The following RBM26 variants were observed in gnomAD, a reference collection of about 807,000 sequenced individuals.
The protein encoded by RBM26 is RNA binding motif protein 26.
Under a neutral mutation model 123.6 loss-of-function variants are expected in RBM26, and 30 were observed. The observed-to-expected ratio is 0.24, with a 90% CI of 0.18 to 0.33. The LOEUF (loss-of-function observed/expected upper bound fraction) is 0.33, where lower values mean the gene tolerates loss of function less well. RBM26 is among the 10% of genes least tolerant of loss of function. The probability of loss-of-function intolerance (pLI) is 1.00; values close to 1 mark genes in which losing one functional copy is unlikely to be tolerated. For missense variants in RBM26, 947 were observed against 1,203.6 expected (o/e 0.79, Z 3.15); for synonymous variants, 400 against 404.4 (o/e 0.99, Z 0.13).
chr13:79,381,334 A>G (rs758989665), intron 1 of RBM26, among the ~76,000 whole-genome samples: 8 of 151,982 alleles, frequency 5.3e-5, no homozygotes, highest in Non-Finnish European at 1.0e-4. Flanking sequence ...TTAAACACCT[A>G]GAGTTACAGT....
At chr13:79,337,011 T>G in intron 19 of RBM26, 91 bp downstream of exon 19, 1 of 1,206,904 alleles carries the variant, frequency 8.3e-7, no homozygotes. Flanking sequence ...TTGAAATTAC[T>G]TATGTCCTTT....
At chr13:79,336,899 T>G (rs1594059731) in intron 19 of RBM26, among the ~76,000 whole-genome samples, 1 of 152,228 alleles carries the variant, frequency 6.6e-6, no homozygotes. Flanking sequence ...CTACTAAGTG[T>G]AAGAATAGTA....
chr13:79,362,844 T>C lies in RBM26; in HGVS notation c.1417+2734A>G, dbSNP rs574308868. Among the ~76,000 whole-genome samples the C allele has an allele frequency of 5.8e-4, 88 of 152,318 alleles. 1 individual carries two copies. Among genetic ancestry groups the C allele is most frequent in the African/African-American group, 2.0e-3 (83 of 41,582 alleles). ...TAATTCGGAATCCCTTTCATTGATA[T>C]ATATTTAAAAGAAGGGTATTAAAAA... On this transcript the variant is annotated intron_variant, in intron 9 of 21. Coordinates refer to ENST00000438737, the MANE Select transcript of RBM26 (RefSeq NM_001366735.2).
rs571443100 is a variant in RBM26, at chr13:79,405,974, G to A, written c.-200C>T. 58 of 323,680 alleles carry A rather than the reference G, an allele frequency of 1.8e-4. 1 individual carries two copies. The South Asian group carries it at 3.5e-3, about 20-fold the overall frequency. 20.1% of individuals were successfully genotyped at this position (323,680 alleles called of 1,614,324 possible). ...AGGCCACAAGTGCACGGGGTGCCAG[G>A]AGCTCCCCGTCCCCGGCCCCCAGCC... On this transcript the variant is annotated 5_prime_UTR_variant, in exon 1 of 22. Coordinates refer to ENST00000438737, the MANE Select transcript of RBM26 (RefSeq NM_001366735.2).
exon 5 of RBM26, chr13:79,311,951 A>C (rs1014492362): frequency 2.6e-5 from 4 of 152,106 alleles, no homozygotes; most frequent in Non-Finnish European, 5.9e-5. Context: ...TAAACATTTA[A>C]CACTATAAAC....
At chr13:79,380,204 G>C (rs563288688) in intron 1 of RBM26, among the ~76,000 whole-genome samples, 38 of 152,226 alleles carry the variant, frequency 2.5e-4, no homozygotes, top group African/African-American at 9.1e-4. Flanking sequence ...TCCATTTAGA[G>C]AGAACTGGAA....
chr13:79,333,600 G>C (rs966549911), intron 20 of RBM26, among the ~76,000 whole-genome samples: 8 of 152,148 alleles, frequency 5.3e-5, no homozygotes, highest in Non-Finnish European at 8.8e-5. Context: ...CAATGGCAAG[G>C]ACAAAACAGT....
In RBM26 at chr13:79,320,312, T is replaced by G; in HGVS notation, c.*309A>C. The G allele has an allele frequency of 9.9e-7, 1 of 1,007,968 alleles. No homozygotes were observed. The highest frequency in any genetic ancestry group is 1.2e-6 in the Non-Finnish European group (1 of 841,986). The allele number at this position is 1,007,968 out of a possible 1,614,324, so 62.4% of individuals were successfully genotyped here. ...TTATAACAAGTATTGGTCATAAGTT[T>G]TCAGACCTATTCATTAAATTACAAA... On this transcript the variant is annotated 3_prime_UTR_variant, in exon 22 of 22. Coordinates refer to ENST00000438737, the MANE Select transcript of RBM26 (RefSeq NM_001366735.2).
chr13:79,372,753 TTATTA>T (rs1375894704), intron 3 of RBM26, among the ~76,000 whole-genome samples: 1 of 117,128 alleles, frequency 8.5e-6, no homozygotes, highest in African/African-American at 3.7e-5. Flanking sequence ...ATATTGTAAT[TTATTA>T]TATATTTTAT....
At chr13:79,371,575 A>C (rs532828754) in intron 4 of RBM26, among the ~76,000 whole-genome samples, 2 of 152,044 alleles carry the variant, frequency 1.3e-5, no homozygotes, top group Non-Finnish European at 2.9e-5. Context: ...AAAAAAAAAC[A>C]CCCACACATT....
chr13:79,326,114 T>C (rs1441778054), intron 20 of RBM26, among the ~76,000 whole-genome samples: 3 of 152,184 alleles, frequency 2.0e-5, no homozygotes, highest in African/African-American at 7.2e-5. Context: ...AACAATGAAA[T>C]TGTCTAACAA....
In RBM26 at chr13:79,331,027, C is replaced by A. The variant is rs145414671; in HGVS notation, c.2820+3317G>T. On this transcript the variant is annotated intron_variant, in intron 20 of 21. Coordinates refer to ENST00000438737, the MANE Select transcript of RBM26 (RefSeq NM_001366735.2). ...TGATTCTCTTTCCCCCTATTTTTTG[C>A]TAAGATAGGGTCTGGCTCTGTCGCC... Among the ~76,000 whole-genome samples the A allele has an allele frequency of 3.0e-3, 441 of 148,572 alleles. 6 individuals are homozygous for A. Among genetic ancestry groups the A allele is most frequent in the African/African-American group, 0.01 (421 of 40,742 alleles).
At chr13:79,335,117 A>T (rs191108512) in intron 19 of RBM26, among the ~76,000 whole-genome samples, 1 of 152,144 alleles carries the variant, frequency 6.6e-6, no homozygotes, top group Admixed American at 6.5e-5. Flanking sequence ...TCCTTTATAT[A>T]TCATTATCAA....
At chr13:79,368,368 T>C (rs1279264757) in intron 6 of RBM26, among the ~76,000 whole-genome samples, 2 of 152,176 alleles carry the variant, frequency 1.3e-5, no homozygotes, top group Non-Finnish European at 2.9e-5. Context: ...AAAGGTGACA[T>C]TTACATTTCT....
At chr13:79,401,706 G>A (rs2079064805) in intron 1 of RBM26, among the ~76,000 whole-genome samples, 2 of 152,144 alleles carry the variant, frequency 1.3e-5, no homozygotes, top group Admixed American at 1.3e-4. Context: ...TCACAAACAT[G>A]TGTCCCATTC....
chr13:79,362,418 T>A (rs1479882265), intron 9 of RBM26, among the ~76,000 whole-genome samples: 1 of 152,184 alleles, frequency 6.6e-6, no homozygotes. Flanking sequence ...ATGCTTTTAA[T>A]TAGCCTCTTA....
chr13:79,404,420 C>T (rs2079331118), intron 1 of RBM26, among the ~76,000 whole-genome samples: 1 of 152,248 alleles, frequency 6.6e-6, no homozygotes, highest in African/African-American at 2.4e-5. Context: ...TACTTCCATT[C>T]TTGCCCTTTC....
chr13:79,313,308 T>C (rs2066952061), exon 5 of RBM26: 1 of 151,840 alleles, frequency 6.6e-6, no homozygotes. Context: ...GAGAATCAAG[T>C]CATCTTGAAT....
rs986805763 is a variant in RBM26 at position 79,358,468 on chromosome 13, T to C, written c.1530-35A>G. 1.9e-6 allele frequency: 3 copies of C among 1,567,622 alleles called. No homozygotes were observed. The African/African-American group carries it at 4.1e-5, about 21-fold the overall frequency. The stretch of plus-strand genomic sequence containing the variant: ...AAATTCAAGTTAGTCAATACATTTA[T>C]AAATCCTGACCCTAACCAAATACAA... On this transcript the variant is annotated intron_variant, in intron 10 of 21. Transcript: ENST00000438737.
Sources: allele counts gnomAD v4.1 joint callset (sites outside exome capture counted in the v4.1 genomes callset), GRCh38; gene constraint gnomAD v4.1.1; transcripts MANE v1.5; gene names NCBI Gene and HGNC (gene_info 2026-07-23, HGNC 2026-07-21).